The following CNGB3 variants were observed in gnomAD, a reference collection of about 807,000 sequenced individuals.
The protein encoded by CNGB3 is cyclic nucleotide gated channel subunit beta 3, also known as cyclic nucleotide-gated channel beta-3.
In CNGB3, 86 loss-of-function variants were observed where a neutral mutation model predicts 92.8. The observed-to-expected ratio is 0.93, with a 90% CI of 0.78 to 1.11. The LOEUF is 1.11. Among genes scored for constraint, CNGB3 ranks in the 50% least tolerant of loss-of-function variants. CNGB3 has a pLI of 0.00. For missense variants in CNGB3, 1,026 were observed against 956.8 expected, an observed-to-expected ratio of 1.07 and a Z score of -0.95; for synonymous variants, 333 against 332.7, an observed-to-expected ratio of 1.00 and a Z score of -0.01.
At position 86,576,102 on chromosome 8, in the gene CNGB3, T is replaced by C. The variant is rs1484563604; in HGVS notation, c.2132A>G (p.Glu711Gly). Residue 711 changes from glutamate (E) to glycine (G), a missense_variant, in exon 18 of 18, where the codon GAA becomes GGA. By Grantham distance (98) the Glu-to-Gly change is moderately conservative. Transcript: ENST00000320005. ...QKKENSEGGE[E>G]EGKENEDKQK... Reference sequence around the variant, plus strand: ...TTTATCTTCATTTTCTTTTCCTTCTTCCTCTCCTCCTTCAGAATTTTCTTT... The same window carrying C: ...TTTATCTTCATTTTCTTTTCCTTCTCCCTCTCCTCCTTCAGAATTTTCTTT... The C allele has an allele frequency of 1.2e-6, 2 of 1,604,456 alleles. No homozygotes were observed. Among genetic ancestry groups the C allele is most frequent in the East Asian group, 2.2e-5 (1 of 44,850 alleles).
intron 15 of CNGB3, among the ~76,000 whole-genome samples, chr8:86,602,662 A>G (rs550876822): frequency 6.6e-6 from 1 of 152,274 alleles, no homozygotes; most frequent in East Asian, 1.9e-4. Flanking sequence ...GTACTCTTCT[A>G]TTCATCATAT....
At chr8:86,665,352 A>C (rs1823721435) in intron 6 of CNGB3, among the ~76,000 whole-genome samples, 1 of 152,224 alleles carries the variant, frequency 6.6e-6, no homozygotes, top group Non-Finnish European at 1.5e-5. Flanking sequence ...TGTGGAAATC[A>C]ACTTGGAGAT....
chr8:86,635,830 A>G (rs1437826995), intron 10 of CNGB3, among the ~76,000 whole-genome samples: 1 of 50,154 alleles, frequency 2.0e-5, no homozygotes, highest in African/African-American at 1.1e-4. Context: ...TGATATATAT[A>G]TATATATATA....
At position 86,581,129 on chromosome 8, in the gene CNGB3, C is replaced by T. The variant is rs1197281338; in HGVS notation, c.1782-1877G>A. On this transcript the variant is annotated intron_variant, in intron 15 of 17. Transcript: ENST00000320005. Reference sequence around the variant, plus strand: ...CTGTCCTTACAACAAGAAAAAGCTGCACAATTGAAAAATTAACGACTTTTC... The same window carrying T: ...CTGTCCTTACAACAAGAAAAAGCTGTACAATTGAAAAATTAACGACTTTTC... Among the ~76,000 whole-genome samples, 5 of 152,188 alleles carry T rather than the reference C, an allele frequency of 3.3e-5. No individual in the cohort carries two copies. In the South Asian group the frequency reaches 8.3e-4, roughly 25 times the overall value.
chr8:86,726,812 A>T (rs1460724670), intron 2 of CNGB3, among the ~76,000 whole-genome samples, 155 bp from the exon 3 acceptor site: 21 of 152,242 alleles, frequency 1.4e-4, no homozygotes, highest in Admixed American at 1.4e-3. Context: ...GTAGGACTTT[A>T]TGCAGGAAGA....
chr8:86,607,673 C>T lies in CNGB3; in HGVS notation c.1663-3462G>A, dbSNP rs1330845258. Among the ~76,000 whole-genome samples, 3 of 152,114 alleles carry T rather than the reference C, an allele frequency of 2.0e-5. No homozygotes were observed. The East Asian group carries it at 5.8e-4, about 29-fold the overall frequency. The stretch of plus-strand genomic sequence containing the variant: ...CCAGAAATTGGTGCTTTAACAAGAG[C>T]TCTAGGTGATTTCTGCCCTGCCATA... On this transcript the variant is annotated intron_variant, in intron 14 of 17. Transcript: ENST00000320005.
At chr8:86,629,160 A>G in intron 11 of CNGB3, 82 bp from the exon 12 acceptor site, 1 of 1,425,870 alleles carries the variant, frequency 7.0e-7, no homozygotes, top group Middle Eastern at 1.8e-4. Context: ...TCCACATGAT[A>G]TACTTCCTTC....
At chr8:86,657,249 T>TC (rs1387677575) in intron 6 of CNGB3, 3 of 212,964 alleles carry the variant, frequency 1.4e-5, no homozygotes, top group African/African-American at 4.7e-5. Context: ...CTTGTTTGTC[T>TC]CCCCCCATCA....
At chr8:86,618,603 G>T (rs1822664131) in intron 13 of CNGB3, among the ~76,000 whole-genome samples, 1 of 152,162 alleles carries the variant, frequency 6.6e-6, no homozygotes, top group Non-Finnish European at 1.5e-5. Context: ...CAGTGCTTTA[G>T]ACAGGTCAAC....
chr8:86,701,809 T>A (rs1462726702), intron 3 of CNGB3, among the ~76,000 whole-genome samples: 1 of 152,154 alleles, frequency 6.6e-6, no homozygotes, highest in Non-Finnish European at 1.5e-5. Flanking sequence ...TTGTTACGAA[T>A]TTTACCATTT....
intron 10 of CNGB3, among the ~76,000 whole-genome samples, chr8:86,640,116 G>A (rs922124838): frequency 6.6e-6 from 1 of 151,830 alleles, no homozygotes; most frequent in Non-Finnish European, 1.5e-5. Flanking sequence ...ATTGTTTCTG[G>A]TTACTTGACC....
intron 3 of CNGB3, among the ~76,000 whole-genome samples, chr8:86,702,914 C>T (rs1240454245): frequency 6.6e-6 from 1 of 151,608 alleles, no homozygotes; most frequent in Non-Finnish European, 1.5e-5. Flanking sequence ...TTCATATTTG[C>T]CTTTGTCATT....
intron 3 of CNGB3, among the ~76,000 whole-genome samples, chr8:86,703,136 T>A (rs1231136355): frequency 6.6e-6 from 1 of 152,178 alleles, no homozygotes; most frequent in Non-Finnish European, 1.5e-5. Context: ...TATAATGTCA[T>A]CTTCATTTTT....
chr8:86,629,134 G>A, intron 11 of CNGB3, 56 bp from the exon 12 acceptor site: 2 of 1,579,620 alleles, frequency 1.3e-6, no homozygotes, highest in Non-Finnish European at 1.7e-6. Flanking sequence ...GTTAATAAAA[G>A]TCAAATTACA....
intron 16 of CNGB3, 50 bp from the exon 17 acceptor site, chr8:86,578,913 G>A (rs573499236): frequency 1.2e-6 from 2 of 1,609,864 alleles, no homozygotes; most frequent in African/African-American, 1.3e-5. Flanking sequence ...GAGAGTTCTG[G>A]CAAAATCTAC....
chr8:86,626,666 C>T (rs1822853746), intron 12 of CNGB3, among the ~76,000 whole-genome samples: 1 of 152,062 alleles, frequency 6.6e-6, no homozygotes. Context: ...GGTGGCTCAG[C>T]TGGGATGGAA....
intron 6 of CNGB3, among the ~76,000 whole-genome samples, chr8:86,662,897 A>G (rs1381009115): frequency 2.0e-5 from 3 of 150,842 alleles, no homozygotes; most frequent in Non-Finnish European, 4.4e-5. Context: ...GAACTAAGGA[A>G]AAGTCCTGCA....
chr8:86,719,308 T>C (rs947720251), intron 3 of CNGB3, among the ~76,000 whole-genome samples: 11 of 152,008 alleles, frequency 7.2e-5, no homozygotes, highest in Non-Finnish European at 1.5e-4. Flanking sequence ...AACTGGTAAA[T>C]GAATTAAGCA....
Position 86,685,307 on chromosome 8 carries a change from G to A in CNGB3, c.339-14209C>T, listed in dbSNP as rs562169416. ...GTTCTATAACCTTGTCACTCAGAGTGGTCCACAGACCTGTCACATTGGCAT... is the reference window on the plus strand; with the variant it reads ...GTTCTATAACCTTGTCACTCAGAGTAGTCCACAGACCTGTCACATTGGCAT... On this transcript the variant is annotated intron_variant, in intron 3 of 17. Coordinates refer to ENST00000320005, the MANE Select transcript of CNGB3 (RefSeq NM_019098.5). Among the ~76,000 whole-genome samples, 29 of 152,160 alleles carry A rather than the reference G, an allele frequency of 1.9e-4. No individual in the cohort carries two copies. In the South Asian group the frequency reaches 5.8e-3, roughly 30 times the overall value.
Sources: allele counts gnomAD v4.1 joint callset (sites outside exome capture counted in the v4.1 genomes callset), GRCh38; gene constraint gnomAD v4.1.1; transcripts MANE v1.5; gene names NCBI Gene and HGNC (gene_info 2026-07-23, HGNC 2026-07-21).